NR6A1: variants seen among roughly 807,000 people sequenced by gnomAD.
The protein encoded by NR6A1 is retinoic acid receptor-related testis-associated receptor.
A neutral mutation model predicts 59.1 loss-of-function variants in NR6A1; 7 were observed. The ratio of observed to expected loss-of-function variants is 0.12; its 90% CI spans 0.07 to 0.22. The LOEUF (loss-of-function observed/expected upper bound fraction) is 0.22, where lower values mean the gene tolerates loss of function less well. NR6A1 is among the 10% of genes least tolerant of loss of function. The pLI, the probability that NR6A1 is intolerant of heterozygous loss-of-function variation, is 1.00. For synonymous variants in NR6A1, 243 were observed against 236.1 expected (o/e 1.03, Z -0.27); for missense variants, 468 against 611.6 (o/e 0.77, Z 2.48).
At chr9:124,697,246 T>C (rs114157812) in intron 2 of NR6A1, among the ~76,000 whole-genome samples, 3 of 152,122 alleles carry the variant, frequency 2.0e-5, no homozygotes, top group Non-Finnish European at 2.9e-5. Context: ...AAGAAAAAGG[T>C]AACAAATACT....
chr9:124,585,232 G>C (rs1834885529), intron 2 of NR6A1, among the ~76,000 whole-genome samples: 2 of 152,034 alleles, frequency 1.3e-5, no homozygotes, highest in South Asian at 4.2e-4. Context: ...GAAATAAGCT[G>C]TCTCCATTAC....
At position 124,656,209 on chromosome 9, in the gene NR6A1, C is replaced by T. The variant is rs1229808062; in HGVS notation, c.142+77099G>A. 3.9e-5 allele frequency among the ~76,000 whole-genome samples: 6 copies of T among 152,300 alleles called. No homozygotes were observed. The South Asian group carries it at 8.3e-4, about 21-fold the overall frequency. On this transcript the variant is annotated intron_variant, in intron 2 of 9. Transcript: ENST00000487099. ...TCTGCACACACCAGCTCCCTTTCAC[C>T]TTGTGCCATGAATGGAGGCAGCTTG... is the stretch of plus-strand genomic sequence containing the variant.
intron 9 of NR6A1, among the ~76,000 whole-genome samples, chr9:124,524,064 A>G (rs1445549304): frequency 6.6e-6 from 1 of 152,190 alleles, no homozygotes; most frequent in Non-Finnish European, 1.5e-5. Flanking sequence ...ACATACACAC[A>G]CACCCCAATA....
chr9:124,566,880 G>A (rs1201717815), intron 2 of NR6A1, among the ~76,000 whole-genome samples: 1 of 152,108 alleles, frequency 6.6e-6, no homozygotes, highest in Non-Finnish European at 1.5e-5. Context: ...AGGCCAAGGC[G>A]GGCGGATCAC....
At chr9:124,677,076 T>C (rs1231815215) in intron 2 of NR6A1, among the ~76,000 whole-genome samples, 3 of 151,838 alleles carry the variant, frequency 2.0e-5, no homozygotes, top group African/African-American at 7.3e-5. Context: ...AACATAAAAA[T>C]TCCAAATCTC....
At chr9:124,628,702 G>T (rs775708658) in intron 2 of NR6A1, among the ~76,000 whole-genome samples, 1 of 150,764 alleles carries the variant, frequency 6.6e-6, no homozygotes, top group Non-Finnish European at 1.5e-5. Context: ...GTACAATGGC[G>T]TGATCTTGGC....
At chr9:124,650,894 C>T (rs1837079929) in intron 2 of NR6A1, among the ~76,000 whole-genome samples, 1 of 152,050 alleles carries the variant, frequency 6.6e-6, no homozygotes, top group Admixed American at 6.5e-5. Flanking sequence ...AGAAAAAAGT[C>T]TGTCCTAAGG....
intron 2 of NR6A1, among the ~76,000 whole-genome samples, chr9:124,630,736 T>C (rs1034374139): frequency 6.2e-5 from 8 of 128,106 alleles, no homozygotes; most frequent in African/African-American, 2.4e-4. Flanking sequence ...TAGAGTGCAA[T>C]GGCACGATCT....
intron 2 of NR6A1, among the ~76,000 whole-genome samples, chr9:124,630,373 C>T (rs1030520063): frequency 1.3e-5 from 2 of 151,222 alleles, no homozygotes; most frequent in Non-Finnish European, 3.0e-5. Context: ...TAGTAGCAGG[C>T]GCATGACACC....
At chr9:124,695,251 G>A (rs986711241) in intron 2 of NR6A1, among the ~76,000 whole-genome samples, 1 of 152,130 alleles carries the variant, frequency 6.6e-6, no homozygotes, top group Non-Finnish European at 1.5e-5. Flanking sequence ...CATGTTTGGT[G>A]GCCAAATATA....
chr9:124,546,341 C>G (rs541072590), intron 3 of NR6A1, among the ~76,000 whole-genome samples: 2 of 152,346 alleles, frequency 1.3e-5, no homozygotes, highest in South Asian at 4.1e-4. Flanking sequence ...CCCACACTAT[C>G]AGACTGTAAG....
intron 1 of NR6A1, among the ~76,000 whole-genome samples, chr9:124,737,739 A>G (rs1451624866): frequency 6.6e-6 from 1 of 152,126 alleles, no homozygotes; most frequent in East Asian, 1.9e-4. Flanking sequence ...GGCAGTGCAC[A>G]CCTGTAATAC....
At chr9:124,632,215 A>AT (rs1836466179) in intron 2 of NR6A1, among the ~76,000 whole-genome samples, 2 of 152,178 alleles carry the variant, frequency 1.3e-5, no homozygotes, top group South Asian at 4.1e-4. Context: ...GAATGGTGTT[A>AT]CTGTATCTAG....
chr9:124,598,660 A>AC (rs1209311686), intron 2 of NR6A1: 8 of 396,474 alleles, frequency 2.0e-5, no homozygotes, highest in Middle Eastern at 8.8e-4. Flanking sequence ...AAAAAAAAAA[A>AC]AAAAAAAAAC....
At chr9:124,655,499 T>C (rs1009982259) in intron 2 of NR6A1, among the ~76,000 whole-genome samples, 1 of 152,202 alleles carries the variant, frequency 6.6e-6, no homozygotes, top group African/African-American at 2.4e-5. Context: ...AACTAATATT[T>C]ATTGATATCT....
At chr9:124,722,111 C>G (rs1839581913) in intron 2 of NR6A1, among the ~76,000 whole-genome samples, 1 of 152,200 alleles carries the variant, frequency 6.6e-6, no homozygotes, top group African/African-American at 2.4e-5. Flanking sequence ...AAACCAGAGT[C>G]CTTTCTGGGC....
chr9:124,569,562 G>A (rs899843992), intron 2 of NR6A1, among the ~76,000 whole-genome samples: 2 of 152,128 alleles, frequency 1.3e-5, no homozygotes, highest in African/African-American at 4.8e-5. Flanking sequence ...TGGCTAAAGG[G>A]TATTTAAAAC....
chr9:124,709,130 G>GC (rs1394511929), intron 2 of NR6A1, among the ~76,000 whole-genome samples: 1 of 152,114 alleles, frequency 6.6e-6, no homozygotes, highest in Non-Finnish European at 1.5e-5. Flanking sequence ...ATTAATCTAT[G>GC]CCCCTGAGTT....
chr9:124,728,750 A>G (rs1256881028), intron 2 of NR6A1, among the ~76,000 whole-genome samples: 1 of 152,174 alleles, frequency 6.6e-6, no homozygotes, highest in Non-Finnish European at 1.5e-5. Flanking sequence ...ACTAGTTCAC[A>G]GGGTTTGGAA....
Sources: allele counts gnomAD v4.1 joint callset (sites outside exome capture counted in the v4.1 genomes callset), GRCh38; gene constraint gnomAD v4.1.1; transcripts MANE v1.5; gene names NCBI Gene and HGNC (gene_info 2026-07-23, HGNC 2026-07-21).